The following ZNF704 variants were observed in gnomAD, a reference collection of about 807,000 sequenced individuals.
The protein encoded by ZNF704 is glucocorticoid induced gene 1.
Under a neutral mutation model 44.7 loss-of-function variants are expected in ZNF704, and 10 were observed. That is an observed-to-expected ratio of 0.22 (90% CI 0.14 to 0.38). The LOEUF (loss-of-function observed/expected upper bound fraction) is 0.38, where lower values mean the gene tolerates loss of function less well. Among genes scored for constraint, ZNF704 ranks in the 10% least tolerant of loss-of-function variants. The probability of loss-of-function intolerance (pLI) is 1.00; values close to 1 mark genes in which losing one functional copy is unlikely to be tolerated. For missense variants in ZNF704, 390 were observed against 545.5 expected, an observed-to-expected ratio of 0.71 and a Z score of 2.84; for synonymous variants, 211 against 207.6, an observed-to-expected ratio of 1.02 and a Z score of -0.14.
At chr8:80,676,252 C>A (rs73691969) in intron 4 of ZNF704, among the ~76,000 whole-genome samples, 1 of 152,018 alleles carries the variant, frequency 6.6e-6, no homozygotes, top group African/African-American at 2.4e-5. Flanking sequence ...TTTTGCTGAC[C>A]TATGAGCAGT....
At chr8:80,755,815 G>A (rs1380000540) in intron 2 of ZNF704, among the ~76,000 whole-genome samples, 1 of 152,086 alleles carries the variant, frequency 6.6e-6, no homozygotes, top group Non-Finnish European at 1.5e-5. Context: ...GTAGCCAAAT[G>A]TAGCTGAAGG....
At chr8:80,815,974 C>A (rs1366465503) in intron 2 of ZNF704, among the ~76,000 whole-genome samples, 1 of 152,192 alleles carries the variant, frequency 6.6e-6, no homozygotes, top group Non-Finnish European at 1.5e-5. Flanking sequence ...GTTCCCCAGC[C>A]TTCCCAGCAA....
At chr8:80,683,745 T>C (rs1330764609) in intron 4 of ZNF704, among the ~76,000 whole-genome samples, 7 of 152,190 alleles carry the variant, frequency 4.6e-5, no homozygotes, top group Non-Finnish European at 7.3e-5. Flanking sequence ...TAAGCAAATA[T>C]AGTGATTATC....
At chr8:80,796,955 G>T (rs1052578728) in intron 2 of ZNF704, among the ~76,000 whole-genome samples, 1 of 123,808 alleles carries the variant, frequency 8.1e-6, no homozygotes, top group Non-Finnish European at 1.7e-5. Flanking sequence ...GGGAGGGAGG[G>T]AGAGAAGGAA....
intron 7 of ZNF704, among the ~76,000 whole-genome samples, chr8:80,653,038 C>T (rs949982144): frequency 1.3e-5 from 2 of 152,164 alleles, no homozygotes; most frequent in African/African-American, 4.8e-5. Flanking sequence ...AAACGTAATC[C>T]AGCATATAAA....
Position 80,664,919 on chromosome 8 carries a change from G to A in ZNF704, c.823C>T (p.Arg275Ter). The change falls in exon 6 of 9, where the codon CGA becomes TGA. Residue 275 changes from arginine to a stop codon, truncating the protein, a stop_gained. Transcript: ENST00000327835. LOFTEE classifies it high-confidence loss of function. ...GTTTTGGCACAAGGAGTTTCTGTTC[G>A]GCTTGAATCTGGGATGGGGAAAGTA... ...PPTFPIPDSSRTETPCAKTET... is the reference protein window; with the variant it reads ...PPTFPIPDSS 1 of 1,614,128 alleles carries A rather than the reference G, an allele frequency of 6.2e-7. No individual in the cohort carries two copies. Among genetic ancestry groups the A allele is most frequent in the Non-Finnish European group, 8.5e-7 (1 of 1,180,030 alleles).
chr8:80,758,641 A>G (rs1044072451), intron 2 of ZNF704, among the ~76,000 whole-genome samples: 51 of 152,216 alleles, frequency 3.4e-4, no homozygotes, highest in Admixed American at 1.8e-3. Flanking sequence ...TGAAAGCTAC[A>G]TATACTGTCT....
intron 2 of ZNF704, among the ~76,000 whole-genome samples, chr8:80,695,936 C>A (rs142151968): frequency 1.3e-5 from 2 of 152,152 alleles, no homozygotes; most frequent in Non-Finnish European, 2.9e-5. Flanking sequence ...CTCAGTTAAC[C>A]TGCATTTCTC....
rs548075113 is a variant in ZNF704, at chr8:80,853,582, A to G, written c.-22+20989T>C. On this transcript the variant is annotated intron_variant, in intron 1 of 8. Coordinates refer to ENST00000327835, the MANE Select transcript of ZNF704 (RefSeq NM_001033723.3). ...AAATTAAAAAAAAGACAACGAAACT[A>G]TAGAAATCAAGAAAGTTATTATTGG... is the stretch of plus-strand genomic sequence containing the variant. Among the ~76,000 whole-genome samples, 169 of 152,216 alleles carry G rather than the reference A, an allele frequency of 1.1e-3. 1 individual carries two copies. The highest frequency in any genetic ancestry group is 1.5e-3 in the Non-Finnish European group (101 of 68,042).
At chr8:80,727,626 T>C (rs1051211320) in intron 2 of ZNF704, among the ~76,000 whole-genome samples, 3 of 151,924 alleles carry the variant, frequency 2.0e-5, no homozygotes, top group African/African-American at 7.3e-5. Flanking sequence ...AGAGGCGAGC[T>C]TGGAGGACGC....
intron 1 of ZNF704, among the ~76,000 whole-genome samples, chr8:80,848,369 T>C (rs1288047291): frequency 6.6e-6 from 1 of 152,178 alleles, no homozygotes; most frequent in Admixed American, 6.5e-5. Flanking sequence ...TGCATACACA[T>C]GTTCACATGA....
At chr8:80,817,684 T>C (rs945088099) in intron 2 of ZNF704, among the ~76,000 whole-genome samples, 4 of 152,206 alleles carry the variant, frequency 2.6e-5, no homozygotes, top group South Asian at 2.1e-4. Flanking sequence ...TTCTCAAATA[T>C]TGGGTAAACA....
At chr8:80,653,942 C>T (rs1490799893) in intron 7 of ZNF704, among the ~76,000 whole-genome samples, 2 of 152,118 alleles carry the variant, frequency 1.3e-5, no homozygotes, top group African/African-American at 4.8e-5. Flanking sequence ...TCAAACTATA[C>T]TACAAGGCTA....
chr8:80,717,523 CGAGA>C (rs1819090325), intron 2 of ZNF704, among the ~76,000 whole-genome samples: 1 of 152,180 alleles, frequency 6.6e-6, no homozygotes, highest in African/African-American at 2.4e-5. Flanking sequence ...TTGTGAGATT[CGAGA>C]GAGAATGTGC....
rs557804484 is a variant in ZNF704 at position 80,645,927 on chromosome 8, G to A, written c.1033-2798C>T. Among the ~76,000 whole-genome samples the A allele has an allele frequency of 5.3e-5, 8 of 152,226 alleles. No individual in the cohort carries two copies. The East Asian group carries it at 7.7e-4, about 15-fold the overall frequency. ...GCCATTGTAATAGTATTAAGAGGTGGGGCCCTTAAGAGGTGATTAGGCTAT... is the reference window on the plus strand; with the variant it reads ...GCCATTGTAATAGTATTAAGAGGTGAGGCCCTTAAGAGGTGATTAGGCTAT... On this transcript the variant is annotated intron_variant, in intron 7 of 8. Coordinates refer to ENST00000327835, the MANE Select transcript of ZNF704 (RefSeq NM_001033723.3).
At chr8:80,854,599 A>G (rs1808926384) in intron 1 of ZNF704, among the ~76,000 whole-genome samples, 1 of 152,232 alleles carries the variant, frequency 6.6e-6, no homozygotes, top group Admixed American at 6.5e-5. Context: ...AAATCAGAAT[A>G]TAAGTTTCTA....
chr8:80,697,333 A>C (rs941550499), intron 2 of ZNF704, among the ~76,000 whole-genome samples: 4 of 152,150 alleles, frequency 2.6e-5, no homozygotes, highest in African/African-American at 9.7e-5. Context: ...GAAAATGGAA[A>C]ATTTAAGGAA....
At chr8:80,644,362 G>C (rs1378795528) in intron 7 of ZNF704, among the ~76,000 whole-genome samples, 1 of 152,006 alleles carries the variant, frequency 6.6e-6, no homozygotes, top group Non-Finnish European at 1.5e-5. Context: ...TGCATTACCT[G>C]TCTCCTAACA....
At chr8:80,646,127 T>C (rs1393868377) in intron 7 of ZNF704, among the ~76,000 whole-genome samples, 1 of 152,240 alleles carries the variant, frequency 6.6e-6, no homozygotes, top group Non-Finnish European at 1.5e-5. Flanking sequence ...CTGTTCATTA[T>C]AGATTACCCA....
Sources: allele counts gnomAD v4.1 joint callset (sites outside exome capture counted in the v4.1 genomes callset), GRCh38; gene constraint gnomAD v4.1.1; transcripts MANE v1.5; gene names NCBI Gene and HGNC (gene_info 2026-07-23, HGNC 2026-07-21).